PEMT: variants seen among roughly 807,000 people sequenced by gnomAD.
The protein encoded by PEMT is phospholipid methyltransferase.
In PEMT, 23 loss-of-function variants were observed where a neutral mutation model predicts 27.4. The ratio of observed to expected loss-of-function variants is 0.84; its 90% confidence interval spans 0.60 to 1.19. PEMT has a LOEUF of 1.19. Among genes scored for constraint, PEMT ranks in the 50% most tolerant of loss-of-function variants. The pLI is 0.00. For synonymous variants in PEMT, 137 were observed against 139.1 expected (o/e 0.98, Z 0.11); for missense variants, 307 against 310.1 (o/e 0.99, Z 0.07).
chr17:17,518,048 C>T (rs567622656), intron 3 of PEMT: 3 of 985,528 alleles, frequency 3.0e-6, no homozygotes, highest in East Asian at 1.1e-4. Flanking sequence ...CTGGCTGTGC[C>T]CGCCACACCA....
chr17:17,584,349 C>T (rs1912131438), intron 1 of PEMT, among the ~76,000 whole-genome samples: 1 of 152,186 alleles, frequency 6.6e-6, no homozygotes, highest in African/African-American at 2.4e-5. Context: ...TTAGTAGAGA[C>T]AGGGTTTCAC....
intron 1 of PEMT, among the ~76,000 whole-genome samples, chr17:17,590,988 G>T (rs919262531): frequency 6.6e-6 from 1 of 152,132 alleles, no homozygotes; most frequent in African/African-American, 2.4e-5. Flanking sequence ...CCCAGGGCCG[G>T]CTGGGAGACA....
intron 2 of PEMT, among the ~76,000 whole-genome samples, chr17:17,554,570 T>A (rs2142661788): frequency 6.6e-6 from 1 of 152,374 alleles, no homozygotes; most frequent in South Asian, 2.1e-4. Flanking sequence ...GTTTCATCAG[T>A]GACGGCCAGA....
At chr17:17,578,565 T>C (rs1911772650) in intron 1 of PEMT, 1 of 152,154 alleles carries the variant, frequency 6.6e-6, no homozygotes, top group Admixed American at 6.5e-5. Flanking sequence ...AAAAATATTA[T>C]GGTGTCTCTC....
At chr17:17,591,392 AC>A in intron 1 of PEMT, 138 bp downstream of exon 1, 1 of 490,922 alleles carries the variant, frequency 2.0e-6, no homozygotes, top group Non-Finnish European at 3.5e-6. Flanking sequence ...CGGCTCCCCC[AC>A]CCCCGCCACG....
intron 2 of PEMT, among the ~76,000 whole-genome samples, chr17:17,533,448 C>T (rs746592267): frequency 3.9e-5 from 6 of 152,126 alleles, no homozygotes; most frequent in Non-Finnish European, 7.3e-5. Flanking sequence ...GATGCAACAC[C>T]AAAAGCACAA....
chr17:17,531,620 G>GAAAAAAAAAAAAAAAAAAAAAAAAAAAAA (rs1567689662), intron 2 of PEMT, among the ~76,000 whole-genome samples: 1 of 20,472 alleles, frequency 4.9e-5, no homozygotes, highest in Non-Finnish European at 8.3e-5. Context: ...GCTATCATAT[G>GAAAAAAAAAAAAAAAAAAAAAAAAAAAAA]CAAAAAAAAA....
Position 17,522,338 on chromosome 17 carries a change from G to C in PEMT, c.262C>G (p.Leu88Val). Residue 88 changes from leucine to valine, a missense_variant, in exon 3 of 7, where the codon CTG becomes GTG. Coordinates refer to ENST00000255389, the MANE Select transcript of PEMT (RefSeq NM_148172.3). ...GTGACGCTTAGAGAGTAGCAGGCCAGGTAGGGGGATCCGAAGGCCCTGCTC... is the reference window on the plus strand; with the variant it reads ...GTGACGCTTAGAGAGTAGCAGGCCACGTAGGGGGATCCGAAGGCCCTGCTC... ...KLSRAFGSPYLACYSLSVTIL... is the reference protein window; with the variant it reads ...KLSRAFGSPYVACYSLSVTIL... 1 of 1,614,032 alleles carries C rather than the reference G, an allele frequency of 6.2e-7. No individual in the cohort carries two copies. The highest frequency in any genetic ancestry group is 8.5e-7 in the Non-Finnish European group (1 of 1,179,966).
intron 2 of PEMT, among the ~76,000 whole-genome samples, chr17:17,550,191 G>A (rs1039840939): frequency 3.3e-5 from 5 of 152,128 alleles, no homozygotes; most frequent in Admixed American, 1.3e-4. Context: ...AACGTGTCCC[G>A]TGACCCTCTG....
intron 2 of PEMT, among the ~76,000 whole-genome samples, chr17:17,568,320 G>T (rs1910969028): frequency 6.6e-6 from 1 of 152,196 alleles, no homozygotes; most frequent in East Asian, 1.9e-4. Flanking sequence ...CGCATTACCT[G>T]GTTATGCTCT....
At chr17:17,550,410 G>T (rs1909567471) in intron 2 of PEMT, among the ~76,000 whole-genome samples, 2 of 152,182 alleles carry the variant, frequency 1.3e-5, no homozygotes, top group African/African-American at 2.4e-5. Flanking sequence ...GGGGTCCCCT[G>T]TGGCACTTGG....
At chr17:17,532,747 G>T (rs765097784) in intron 2 of PEMT, among the ~76,000 whole-genome samples, 17 of 152,162 alleles carry the variant, frequency 1.1e-4, no homozygotes, top group Non-Finnish European at 2.1e-4. Flanking sequence ...AAACAAAAAG[G>T]CCAGGCTCAG....
intron 1 of PEMT, among the ~76,000 whole-genome samples, chr17:17,579,615 T>C (rs1167929651): frequency 1.3e-5 from 2 of 151,456 alleles, no homozygotes; most frequent in African/African-American, 4.9e-5. Flanking sequence ...GAGGTGGGAG[T>C]TGCAGTGAGC....
At chr17:17,507,135 G>A (rs762163279) in intron 5 of PEMT, 32 of 1,552,790 alleles carry the variant, frequency 2.1e-5, no homozygotes, top group South Asian at 7.1e-5. Context: ...AATAGCTGCC[G>A]TCAAGCTGTC....
At chr17:17,544,189 G>A (rs1212030599) in intron 2 of PEMT, among the ~76,000 whole-genome samples, 2 of 152,102 alleles carry the variant, frequency 1.3e-5, no homozygotes, top group Non-Finnish European at 2.9e-5. Context: ...TTTATATAAG[G>A]AAACAAGAAC....
intron 4 of PEMT, among the ~76,000 whole-genome samples, chr17:17,510,481 A>T (rs765795267): frequency 6.6e-6 from 1 of 152,220 alleles, no homozygotes; most frequent in East Asian, 1.9e-4. Context: ...CAGCATGGGC[A>T]GGAGGGGTCC....
chr17:17,522,746 C>T (rs1319074213), intron 2 of PEMT, among the ~76,000 whole-genome samples: 1 of 152,094 alleles, frequency 6.6e-6, no homozygotes, highest in South Asian at 2.1e-4. Context: ...TCAGGCCCTA[C>T]CTGGGAGCTG....
At chr17:17,589,347 G>A (rs1006575663) in intron 1 of PEMT, among the ~76,000 whole-genome samples, 4 of 151,934 alleles carry the variant, frequency 2.6e-5, no homozygotes, top group African/African-American at 7.3e-5. Context: ...AGAGCTGGTG[G>A]AGGGCATGGT....
At chr17:17,589,053 G>C (rs57606281) in intron 1 of PEMT, among the ~76,000 whole-genome samples, 6,731 of 152,300 alleles carry the variant, frequency 0.044, 498 homozygotes, top group African/African-American at 0.15. Flanking sequence ...CTCCACCTAC[G>C]GGGTTCAAGT....
Sources: allele counts gnomAD v4.1 joint callset (sites outside exome capture counted in the v4.1 genomes callset), GRCh38; gene constraint gnomAD v4.1.1; transcripts MANE v1.5; gene names NCBI Gene and HGNC (gene_info 2026-07-23, HGNC 2026-07-21).